NOSIP: variants seen among roughly 807,000 people sequenced by gnomAD.
NOSIP encodes nitric oxide synthase-interacting protein.
Under a neutral mutation model 36.4 loss-of-function variants are expected in NOSIP, and 25 were observed. That is an observed-to-expected ratio of 0.69 (90% confidence interval 0.50 to 0.96). The LOEUF (loss-of-function observed/expected upper bound fraction) is 0.96. Ranked by LOEUF, NOSIP falls within the 40% of genes least tolerant of loss-of-function variation. The pLI is 0.00. For missense variants in NOSIP, 370 were observed against 429.0 expected (o/e 0.86, Z 1.21); for synonymous variants, 187 against 179.2 (o/e 1.04, Z -0.35).
chr19:49,556,243 G>A (rs1599741615), intron 8 of NOSIP, 74 bp downstream of exon 8: 2 of 705,584 alleles, frequency 2.8e-6, no homozygotes, highest in Non-Finnish European at 4.4e-6. Flanking sequence ...GGGAGGGGAC[G>A]AAGCCTTGGA....
chr19:49,557,871 C>T (rs1277516928), intron 4 of NOSIP: 1 of 987,780 alleles, frequency 1.0e-6, no homozygotes, highest in African/African-American at 1.7e-5. Flanking sequence ...GTAACAGTGA[C>T]AGTGATGGAT....
At chr19:49,563,348 A>G (rs915195087) in intron 1 of NOSIP, among the ~76,000 whole-genome samples, 5 of 150,250 alleles carry the variant, frequency 3.3e-5, no homozygotes, top group East Asian at 2.0e-4. Flanking sequence ...GCTAATTTTT[A>G]TATTTTTAGT....
chr19:49,565,591 A>T (rs909727177), intron 1 of NOSIP, among the ~76,000 whole-genome samples: 7 of 151,530 alleles, frequency 4.6e-5, no homozygotes, highest in Admixed American at 6.6e-5. Flanking sequence ...TCTACAAAAA[A>T]ATATATATAT....
intron 1 of NOSIP, among the ~76,000 whole-genome samples, chr19:49,564,964 A>T (rs567658934): frequency 6.6e-6 from 1 of 152,316 alleles, no homozygotes; most frequent in East Asian, 1.9e-4. Flanking sequence ...AAAAACTCAC[A>T]AAGTAATTAC....
At chr19:49,565,272 CAAAA>C (rs559157704) in intron 1 of NOSIP, among the ~76,000 whole-genome samples, 1 of 138,984 alleles carries the variant, frequency 7.2e-6, no homozygotes, top group Middle Eastern at 3.7e-3. Flanking sequence ...GACCCTGTCT[CAAAA>C]AAAAAAAAGT....
chr19:49,555,473 G>T lies in NOSIP; in HGVS notation c.*278C>A, dbSNP rs2080223456. On this transcript the variant is annotated 3_prime_UTR_variant, in exon 9 of 9. Coordinates refer to ENST00000596358, the MANE Select transcript of NOSIP (RefSeq NM_001270960.2). ...AAGGTTTCACCATGTTGGCCAGGCTGGTCTCGAACTCCTGACCTCAAGTGA... is the reference window on the plus strand; with the variant it reads ...AAGGTTTCACCATGTTGGCCAGGCTTGTCTCGAACTCCTGACCTCAAGTGA... Among the ~76,000 whole-genome samples the T allele has an allele frequency of 6.6e-6, 1 of 152,046 alleles. No individual in the cohort carries two copies. The highest frequency in any genetic ancestry group is 6.5e-5 in the Admixed American group (1 of 15,268).
At chr19:49,576,231 ATACCTGGATAG>A (rs1183275268) in intron 1 of NOSIP, among the ~76,000 whole-genome samples, 5 of 152,054 alleles carry the variant, frequency 3.3e-5, no homozygotes, top group Admixed American at 6.6e-5. Flanking sequence ...GTTGTGGCTC[ATACCTGGATAG>A]GGTGCTTTGG....
At chr19:49,576,072 T>A (rs2122194969) in intron 1 of NOSIP, among the ~76,000 whole-genome samples, 1 of 151,536 alleles carries the variant, frequency 6.6e-6, no homozygotes, top group South Asian at 2.1e-4. Context: ...GAGGTGGAGC[T>A]TGCAGTGAGC....
chr19:49,557,117 C>T lies in NOSIP; in HGVS notation c.391G>A (p.Ala131Thr), dbSNP rs1399569740. Reference protein sequence around the residue: ...IVSRPLNPFTAKALSGTSPDD... With the variant: ...IVSRPLNPFTTKALSGTSPDD... The stretch of plus-strand genomic sequence containing the variant: ...GGGCTGGTGCCCGAGAGGGCCTTGG[C>T]TGTGAAAGGGTTGAGGGGCCGGCTC... The change falls in exon 5 of 9, where the codon GCC becomes ACC. Residue 131 changes from alanine (A) to threonine (T), a missense_variant. Ala to Thr is a moderately conservative substitution (Grantham distance 58, BLOSUM62 0). Transcript: ENST00000596358. The T allele has an allele frequency of 6.2e-7, 1 of 1,612,948 alleles. No individual in the cohort carries two copies. The highest frequency in any genetic ancestry group is 2.2e-5 in the East Asian group (1 of 44,846).
chr19:49,560,398 ACT>A lies in NOSIP; in HGVS notation c.70+222_70+223del. On this transcript the variant is annotated intron_variant, in intron 2 of 8. Transcript: ENST00000596358. The surrounding 1 kb of genome is among the most constrained non-coding windows in gnomAD (Gnocchi z 4.6). ...GGGTAACAAGAGCACCCTCCCTGAC[ACT>A]CTGTTGGGAGGAGTGAGTTCATGCG... 5 of 589,494 alleles carry A rather than the reference ACT, an allele frequency of 8.5e-6. No homozygotes were observed. The Middle Eastern group carries it at 1.3e-3, about 153-fold the overall frequency. The allele number at this position is 589,494 out of a possible 1,614,324, so 36.5% of individuals were successfully genotyped here.
chr19:49,572,784 G>A (rs527381552), intron 1 of NOSIP, among the ~76,000 whole-genome samples: 97 of 151,980 alleles, frequency 6.4e-4, no homozygotes, highest in Admixed American at 1.2e-3. Context: ...GACCAGCCTG[G>A]CCAATGTGGC....
In NOSIP at chr19:49,558,966, G is replaced by T; in HGVS notation, c.189C>A (p.Tyr63Ter). 4 of 1,613,638 alleles carry T rather than the reference G, an allele frequency of 2.5e-6. No individual in the cohort carries two copies. The highest frequency in any genetic ancestry group is 3.4e-6 in the Non-Finnish European group (4 of 1,179,798). Residue 63 changes from tyrosine (Y) to a stop codon, truncating the protein, a stop_gained, in exon 4 of 9, where the codon TAC becomes TAA. Coordinates refer to ENST00000596358, the MANE Select transcript of NOSIP (RefSeq NM_001270960.2). LOFTEE classifies it high-confidence loss of function. ...CHDPVVTPDG[Y>*]LYEREAILEY... ...CCAGGATGGCCTCACGCTCATACAG[G>T]TAGCCATCTGGGCTGCAAAGACAGG... is the stretch of plus-strand genomic sequence containing the variant.
chr19:49,555,854 G>A (rs1371000907), intron 8 of NOSIP, 32 bp from the exon 9 acceptor site: 19 of 1,561,258 alleles, frequency 1.2e-5, no homozygotes, highest in Middle Eastern at 1.7e-4. Flanking sequence ...ACGAGGTAGA[G>A]GCCGGCCCGG....
chr19:49,567,368 G>T lies in NOSIP; in HGVS notation c.-1-6676C>A, dbSNP rs1434032742. 9.9e-5 allele frequency among the ~76,000 whole-genome samples: 15 copies of T among 151,702 alleles called. No homozygotes were observed. The East Asian group carries it at 2.9e-3, about 29-fold the overall frequency. On this transcript the variant is annotated intron_variant, in intron 1 of 8. Coordinates refer to ENST00000596358, the MANE Select transcript of NOSIP (RefSeq NM_001270960.2). ...GATCTCCTGACCTCGTGATCCGCCC[G>T]CCTCGGCCTCCCAAAGTGCTGGGAT...
chr19:49,555,647 G>T lies in NOSIP; in HGVS notation c.*104C>A, dbSNP rs1415899771. ...TGCGCTGTAGGAGCACTGTTTGCACGGCCCTGCATCCTCGCCTGCCCTGTC... is the reference window on the plus strand; with the variant it reads ...TGCGCTGTAGGAGCACTGTTTGCACTGCCCTGCATCCTCGCCTGCCCTGTC... On this transcript the variant is annotated 3_prime_UTR_variant, in exon 9 of 9. Coordinates refer to ENST00000596358, the MANE Select transcript of NOSIP (RefSeq NM_001270960.2). 2 of 885,096 alleles carry T rather than the reference G, an allele frequency of 2.3e-6. No homozygotes were observed. Among genetic ancestry groups the T allele is most frequent in the Non-Finnish European group, 3.7e-6 (2 of 542,722 alleles). The allele number at this position is 885,096 out of a possible 1,614,324, so 54.8% of individuals were successfully genotyped here.
chr19:49,575,809 T>G (rs2122192967), intron 1 of NOSIP, among the ~76,000 whole-genome samples: 1 of 152,276 alleles, frequency 6.6e-6, no homozygotes, highest in Admixed American at 6.5e-5. Flanking sequence ...CCAAATTCAT[T>G]CTTTTGGTTT....
intron 1 of NOSIP, among the ~76,000 whole-genome samples, chr19:49,563,395 T>C (rs1428186993): frequency 6.6e-6 from 1 of 152,120 alleles, no homozygotes. Context: ...AGGTTGGCCT[T>C]GAACTCCTGG....
At chr19:49,574,675 G>A (rs1249528909) in intron 1 of NOSIP, among the ~76,000 whole-genome samples, 14 of 152,066 alleles carry the variant, frequency 9.2e-5, no homozygotes, top group Non-Finnish European at 4.4e-5. Flanking sequence ...TTCCTGGTTT[G>A]CAGATGGCTA....
At chr19:49,565,212 G>A (rs2080390068) in intron 1 of NOSIP, among the ~76,000 whole-genome samples, 1 of 151,904 alleles carries the variant, frequency 6.6e-6, no homozygotes, top group South Asian at 2.1e-4. Context: ...GGTCAAGGCT[G>A]CAGTGAGCCA....
Sources: allele counts gnomAD v4.1 joint callset (sites outside exome capture counted in the v4.1 genomes callset), GRCh38; gene constraint gnomAD v4.1.1; non-coding constraint Gnocchi (gnomAD v3.1); transcripts MANE v1.5; gene names NCBI Gene and HGNC (gene_info 2026-07-23, HGNC 2026-07-21).